CWC27: variants seen among roughly 807,000 people sequenced by gnomAD.
The protein encoded by CWC27 is CWC27 spliceosome associated cyclophilin, also known as spliceosome-associated protein CWC27 homolog.
A neutral mutation model predicts 63.6 loss-of-function variants in CWC27; 47 were observed. The ratio of observed to expected loss-of-function variants is 0.74; its 90% CI spans 0.58 to 0.94. CWC27 has a LOEUF of 0.94. Ranked by LOEUF, CWC27 falls within the 40% of genes least tolerant of loss-of-function variation. The probability of loss-of-function intolerance (pLI) is 0.00; values close to 1 mark genes in which losing one functional copy is unlikely to be tolerated. For missense variants in CWC27, 495 were observed against 554.3 expected (o/e 0.89, Z 1.07); for synonymous variants, 175 against 179.8 (o/e 0.97, Z 0.22).
intron 11 of CWC27, among the ~76,000 whole-genome samples, chr5:64,967,563 G>A (rs1044855675): frequency 2.6e-5 from 4 of 151,764 alleles, no homozygotes; most frequent in African/African-American, 9.7e-5. Context: ...GTATACTACT[G>A]GCACAAGCAG....
intron 11 of CWC27, among the ~76,000 whole-genome samples, chr5:64,967,729 AT>A (rs1181671358): frequency 3.9e-5 from 6 of 152,032 alleles, no homozygotes; most frequent in Non-Finnish European, 8.8e-5. Context: ...TAGAAAAAAA[AT>A]CTCAACCCTT....
intron 2 of CWC27, among the ~76,000 whole-genome samples, chr5:64,776,090 A>C (rs1234415598): frequency 4.1e-5 from 6 of 146,806 alleles, no homozygotes; most frequent in African/African-American, 1.3e-4. Context: ...AGAGAGAGAG[A>C]GAGAGAGAGA....
At chr5:64,856,246 T>G (rs769881728) in intron 10 of CWC27, among the ~76,000 whole-genome samples, 6 of 152,096 alleles carry the variant, frequency 3.9e-5, no homozygotes, top group Non-Finnish European at 1.5e-5. Context: ...ATACTTTTTT[T>G]AAATGGTAAT....
At chr5:64,897,436 G>C (rs1747405317) in intron 11 of CWC27, among the ~76,000 whole-genome samples, 3 of 152,112 alleles carry the variant, frequency 2.0e-5, no homozygotes, top group African/African-American at 7.2e-5. Flanking sequence ...TCCTTTGCAG[G>C]GACATGGATG....
At chr5:64,889,034 A>G (rs1747156469) in intron 11 of CWC27, among the ~76,000 whole-genome samples, 1 of 152,172 alleles carries the variant, frequency 6.6e-6, no homozygotes. Flanking sequence ...AATAATCATA[A>G]TTCAATTAGA....
chr5:64,888,632 A>C (rs1747137567), intron 11 of CWC27, among the ~76,000 whole-genome samples: 1 of 150,928 alleles, frequency 6.6e-6, no homozygotes, highest in South Asian at 2.1e-4. Flanking sequence ...ATACTGAAGT[A>C]AGGATGTAAA....
chr5:64,840,381 AAAAAAAAAAAAAAATAT>A (rs1745781044), intron 10 of CWC27, among the ~76,000 whole-genome samples: 2 of 71,098 alleles, frequency 2.8e-5, no homozygotes, highest in African/African-American at 1.3e-4. Context: ...AAAAAAAAAA[AAAAAAAAAAAAAAATAT>A]ATATATATAT....
intron 11 of CWC27, among the ~76,000 whole-genome samples, chr5:64,971,353 A>G (rs775465889): frequency 1.6e-4 from 24 of 152,354 alleles, no homozygotes; most frequent in Admixed American, 1.5e-3. Context: ...TTCTAAGGCA[A>G]GGAAAAAATG....
At chr5:64,846,993 C>CAAAA (rs35090437) in intron 10 of CWC27, among the ~76,000 whole-genome samples, 3 of 86,166 alleles carry the variant, frequency 3.5e-5, no homozygotes, top group African/African-American at 1.4e-4. Flanking sequence ...GACTCCATCT[C>CAAAA]AAAAAAAAAA....
At chr5:64,871,114 A>G (rs1250419475) in intron 10 of CWC27, among the ~76,000 whole-genome samples, 1 of 152,164 alleles carries the variant, frequency 6.6e-6, no homozygotes, top group African/African-American at 2.4e-5. Context: ...TTGCAGCTTT[A>G]GGCAATCTCA....
At chr5:65,009,800 A>T (rs1384950682) in intron 13 of CWC27, among the ~76,000 whole-genome samples, 1 of 152,208 alleles carries the variant, frequency 6.6e-6, no homozygotes, top group African/African-American at 2.4e-5. Context: ...ATAAATTGCT[A>T]TTGTTTAAGC....
intron 13 of CWC27, among the ~76,000 whole-genome samples, chr5:64,982,507 A>G (rs1749346958): frequency 6.6e-6 from 1 of 150,958 alleles, no homozygotes; most frequent in African/African-American, 2.4e-5. Flanking sequence ...TTTTTTTAAG[A>G]TAGCATCTCA....
chr5:64,997,073 T>C lies in CWC27; in HGVS notation c.1256+19835T>C, dbSNP rs142498383. 6.3e-3 allele frequency among the ~76,000 whole-genome samples: 956 copies of C among 152,266 alleles called. 8 individuals are homozygous for C. Among genetic ancestry groups the C allele is most frequent in the South Asian group, 9.3e-3 (45 of 4,824 alleles). ...TCAAATTTATATCCCTAATATTATA[T>C]CCTCTGTATTATTTGAAGAATTAAA... On this transcript the variant is annotated intron_variant, in intron 13 of 13. Transcript: ENST00000381070.
chr5:64,972,792 A>G (rs896027942), intron 12 of CWC27: 5 of 416,858 alleles, frequency 1.2e-5, no homozygotes, highest in Non-Finnish European at 1.9e-5. Flanking sequence ...GCAAATAATT[A>G]TTAAGAACCT....
intron 10 of CWC27, among the ~76,000 whole-genome samples, chr5:64,842,782 G>C (rs1433174610): frequency 6.6e-6 from 1 of 151,698 alleles, no homozygotes; most frequent in Non-Finnish European, 1.5e-5. Context: ...TTGTATTTTA[G>C]GTGGAGATGG....
Position 64,804,241 on chromosome 5 carries a change from G to GA in CWC27, c.796dup (p.Ser266LysfsTer5). The stretch of plus-strand genomic sequence containing the variant: ...TCCATTTCTACAGGATGGAGAAGAT[G>GA]AAAGTGCAGAGCATGATGAATATAT... On this transcript the variant is annotated frameshift_variant, in exon 10 of 14. Coordinates refer to ENST00000381070, the MANE Select transcript of CWC27 (RefSeq NM_005869.4). LOFTEE classifies it high-confidence loss of function. The GA allele has an allele frequency of 1.2e-6, 2 of 1,605,624 alleles. No individual in the cohort carries two copies. Among genetic ancestry groups the GA allele is most frequent in the Non-Finnish European group, 1.7e-6 (2 of 1,175,948 alleles).
At chr5:64,959,750 AGTAAGGT>A (rs1316877578) in intron 11 of CWC27, among the ~76,000 whole-genome samples, 1 of 152,238 alleles carries the variant, frequency 6.6e-6, no homozygotes, top group Non-Finnish European at 1.5e-5. Context: ...CAGTAAAAGC[AGTAAGGT>A]GACTGTAGAC....
intron 10 of CWC27, among the ~76,000 whole-genome samples, chr5:64,872,304 CA>C (rs1746692622): frequency 6.6e-6 from 1 of 152,124 alleles, no homozygotes; most frequent in African/African-American, 2.4e-5. Context: ...ATAACTGGTT[CA>C]GGACCCAGGT....
In CWC27 at chr5:64,861,157, C is replaced by T. The variant is rs375694601; in HGVS notation, c.939-24286C>T. ...CATGTGTGGCTTTTCCATGTGCTAC[C>T]TTTGGTTTTTTCACAACATGGTGGT... On this transcript the variant is annotated intron_variant, in intron 10 of 13. Transcript: ENST00000381070. Among the ~76,000 whole-genome samples the T allele has an allele frequency of 4.6e-5, 7 of 152,164 alleles. 1 individual carries two copies. The South Asian group carries it at 1.5e-3, about 32-fold the overall frequency.
Sources: gnomAD v4.1 joint callset for allele counts (sites outside exome capture counted in the v4.1 genomes callset) on GRCh38, gnomAD v4.1.1 for gene constraint, MANE v1.5 for transcripts, NCBI Gene and HGNC (gene_info 2026-07-23, HGNC 2026-07-21) for gene names.